Variants in DOK5 observed in about 807,000 individuals in gnomAD.
DOK5 encodes the protein downstream of tyrosine kinase 5.
Under a neutral mutation model 43.3 loss-of-function variants are expected in DOK5, and 27 were observed. The observed-to-expected ratio is 0.62, with a 90% CI of 0.46 to 0.86. The LOEUF (loss-of-function observed/expected upper bound fraction) is 0.86. DOK5 is among the 40% of genes least tolerant of loss of function. The pLI is 0.00. For missense variants in DOK5, 373 were observed against 392.9 expected (o/e 0.95, Z 0.43); for synonymous variants, 146 against 140.1 (o/e 1.04, Z -0.30).
intron 2 of DOK5, among the ~76,000 whole-genome samples, chr20:54,560,787 A>AT (rs1301158316): frequency 6.6e-6 from 1 of 151,946 alleles, no homozygotes; most frequent in African/African-American, 2.4e-5. Flanking sequence ...TGCCCAGCTA[A>AT]TTTTTTGTAT....
intron 2 of DOK5, among the ~76,000 whole-genome samples, chr20:54,569,481 A>T (rs76573896): frequency 6.6e-6 from 1 of 152,224 alleles, no homozygotes; most frequent in African/African-American, 2.4e-5. Context: ...GCTAATACCA[A>T]TTCTATTACA....
chr20:54,545,926 G>A (rs1045212743), intron 1 of DOK5, among the ~76,000 whole-genome samples: 9 of 152,284 alleles, frequency 5.9e-5, no homozygotes, highest in Admixed American at 2.0e-4. Context: ...ACAACTAAGT[G>A]TCTCTTTTTA....
intron 2 of DOK5, among the ~76,000 whole-genome samples, chr20:54,561,494 AGCTCAT>A (rs964212176): frequency 2.6e-5 from 4 of 152,202 alleles, no homozygotes; most frequent in Non-Finnish European, 5.9e-5. Flanking sequence ...GATACTGGAA[AGCTCAT>A]GGATTGAGGG....
At chr20:54,601,236 T>C (rs1986288662) in intron 5 of DOK5, among the ~76,000 whole-genome samples, 2 of 152,222 alleles carry the variant, frequency 1.3e-5, no homozygotes, top group African/African-American at 4.8e-5. Context: ...TTTACCCCAC[T>C]TACTAAACTG....
At chr20:54,478,871 A>G (rs1000368307) in intron 1 of DOK5, among the ~76,000 whole-genome samples, 3 of 152,222 alleles carry the variant, frequency 2.0e-5, no homozygotes, top group African/African-American at 7.2e-5. Flanking sequence ...TGGTAGACGG[A>G]TATAGGAATT....
intron 1 of DOK5, among the ~76,000 whole-genome samples, chr20:54,540,990 G>T (rs1368326694): frequency 6.6e-6 from 1 of 152,050 alleles, no homozygotes; most frequent in Non-Finnish European, 1.5e-5. Context: ...TTTTATACAG[G>T]CTTAGATATT....
chr20:54,498,036 T>A (rs965710772), intron 1 of DOK5, among the ~76,000 whole-genome samples: 2 of 152,246 alleles, frequency 1.3e-5, no homozygotes, highest in African/African-American at 4.8e-5. Context: ...TGTATTGTGT[T>A]GTCTTAAAAG....
chr20:54,536,698 A>C (rs1277568077), intron 1 of DOK5, among the ~76,000 whole-genome samples: 1 of 152,228 alleles, frequency 6.6e-6, no homozygotes, highest in African/African-American at 2.4e-5. Flanking sequence ...AGAAACTTTT[A>C]GATAAGAGCT....
rs1359686996 is a variant in DOK5, at chr20:54,650,640, C to T, written c.*161C>T. On this transcript the variant is annotated 3_prime_UTR_variant, in exon 8 of 8. Coordinates refer to ENST00000262593, the MANE Select transcript of DOK5 (RefSeq NM_018431.5). ...GAAAACTCTGCAATACAATAATTTT[C>T]TTTATTTTCTTTTTCTTTTTTAAAT... is the stretch of plus-strand genomic sequence containing the variant. The T allele has an allele frequency of 3.5e-6, 2 of 569,472 alleles. No homozygotes were observed. The highest frequency in any genetic ancestry group is 3.0e-6 in the Non-Finnish European group (1 of 334,264). The allele number at this position is 569,472 out of a possible 1,614,324, so 35.3% of individuals were successfully genotyped here.
intron 6 of DOK5, among the ~76,000 whole-genome samples, chr20:54,622,062 C>G (rs761967019): frequency 6.6e-6 from 1 of 151,798 alleles, no homozygotes; most frequent in East Asian, 1.9e-4. Context: ...GGCGTGGTGG[C>G]GCATGCCTGT....
intron 1 of DOK5, among the ~76,000 whole-genome samples, chr20:54,538,241 A>G (rs1290407412): frequency 6.6e-6 from 1 of 151,940 alleles, no homozygotes; most frequent in East Asian, 1.9e-4. Flanking sequence ...AGTTTCCAAG[A>G]ACCTATTGAT....
chr20:54,522,887 T>G (rs1001392697), intron 1 of DOK5, among the ~76,000 whole-genome samples: 2 of 152,196 alleles, frequency 1.3e-5, no homozygotes, highest in Admixed American at 1.3e-4. Context: ...CTTCTTTTTC[T>G]TGGAAAATTC....
chr20:54,509,486 G>A (rs1391398303), intron 1 of DOK5, among the ~76,000 whole-genome samples: 1 of 152,232 alleles, frequency 6.6e-6, no homozygotes, highest in Non-Finnish European at 1.5e-5. Flanking sequence ...AAGCCACTAT[G>A]CCCAGTTGGG....
chr20:54,588,658 A>G (rs766836314), intron 3 of DOK5, 29 bp from the exon 4 acceptor site: 1 of 1,613,984 alleles, frequency 6.2e-7, no homozygotes, highest in African/African-American at 1.3e-5. Context: ...TGCTGGGCAC[A>G]CAGTTTAATC....
At chr20:54,516,440 C>T (rs1983200715) in intron 1 of DOK5, among the ~76,000 whole-genome samples, 1 of 152,158 alleles carries the variant, frequency 6.6e-6, no homozygotes, top group South Asian at 2.1e-4. Flanking sequence ...GATGGAAAGG[C>T]ATAGTGAGAG....
chr20:54,550,757 T>A (rs75978062), intron 1 of DOK5, among the ~76,000 whole-genome samples: 1 of 152,204 alleles, frequency 6.6e-6, no homozygotes, highest in Non-Finnish European at 1.5e-5. Flanking sequence ...TATTCCATTG[T>A]ATGGAGGATG....
chr20:54,500,348 C>T (rs1982548112), intron 1 of DOK5, among the ~76,000 whole-genome samples: 2 of 152,076 alleles, frequency 1.3e-5, no homozygotes, highest in African/African-American at 4.8e-5. Flanking sequence ...ATAGGGAAGG[C>T]CACATAGATG....
At chr20:54,513,822 G>A (rs985762507) in intron 1 of DOK5, among the ~76,000 whole-genome samples, 3 of 152,186 alleles carry the variant, frequency 2.0e-5, no homozygotes, top group Non-Finnish European at 4.4e-5. Flanking sequence ...ATAAATACGA[G>A]AACAGTTTTC....
chr20:54,569,721 C>T (rs1985222079), intron 2 of DOK5, among the ~76,000 whole-genome samples: 1 of 152,194 alleles, frequency 6.6e-6, no homozygotes, highest in African/African-American at 2.4e-5. Context: ...AACTTCTCAA[C>T]TTAAGCATTT....
Sources: gnomAD v4.1 joint callset for allele counts (sites outside exome capture counted in the v4.1 genomes callset) on GRCh38, gnomAD v4.1.1 for gene constraint, MANE v1.5 for transcripts, NCBI Gene and HGNC (gene_info 2026-07-23, HGNC 2026-07-21) for gene names.